Variants in PRKN observed in about 807,000 individuals in gnomAD.
PRKN encodes the protein E3 ubiquitin-protein ligase parkin.
PRKN carries 56 observed loss-of-function variants against 59.5 expected under a neutral mutation model. The observed-to-expected ratio is 0.94, with a 90% confidence interval of 0.76 to 1.18. The LOEUF is 1.18. Ranked by LOEUF, PRKN falls within the 50% of genes most tolerant of loss-of-function variation. PRKN has a pLI of 0.00. For missense variants in PRKN, 657 were observed against 596.4 expected, an observed-to-expected ratio of 1.10 and a Z score of -1.06; for synonymous variants, 250 against 222.1, an observed-to-expected ratio of 1.13 and a Z score of -1.12.
chr6:161,821,886 C>A (rs528294628), intron 6 of PRKN, among the ~76,000 whole-genome samples: 12 of 151,730 alleles, frequency 7.9e-5, no homozygotes, highest in African/African-American at 2.9e-4. Flanking sequence ...GTAGCTGGGA[C>A]TACAGATGTG....
intron 4 of PRKN, among the ~76,000 whole-genome samples, chr6:162,058,174 T>C (rs1013248840): frequency 6.6e-6 from 1 of 152,228 alleles, no homozygotes; most frequent in East Asian, 1.9e-4. Flanking sequence ...TAAATCATAA[T>C]ACACACTTCG....
At chr6:162,232,426 T>C (rs1778462021) in intron 3 of PRKN, among the ~76,000 whole-genome samples, 1 of 152,118 alleles carries the variant, frequency 6.6e-6, no homozygotes, top group Admixed American at 6.5e-5. Context: ...TGGGGGTTCA[T>C]CCCCATCTTC....
At chr6:162,307,269 G>A (rs910009794) in intron 2 of PRKN, among the ~76,000 whole-genome samples, 1 of 151,826 alleles carries the variant, frequency 6.6e-6, no homozygotes, top group African/African-American at 2.4e-5. Flanking sequence ...TCATGCTGGT[G>A]GGCGCCTATA....
At chr6:162,067,330 T>G (rs1182395642) in intron 4 of PRKN, among the ~76,000 whole-genome samples, 2 of 152,198 alleles carry the variant, frequency 1.3e-5, no homozygotes, top group Non-Finnish European at 2.9e-5. Context: ...TTTGTTTTGA[T>G]AGAAAAATCA....
intron 7 of PRKN, among the ~76,000 whole-genome samples, chr6:161,610,984 C>T (rs923862108): frequency 2.6e-5 from 4 of 152,140 alleles, no homozygotes; most frequent in South Asian, 4.2e-4. Flanking sequence ...ATTTTGAGGG[C>T]GGGGATAGGA....
At chr6:162,632,266 T>C (rs1190955117) in intron 1 of PRKN, among the ~76,000 whole-genome samples, 1 of 152,142 alleles carries the variant, frequency 6.6e-6, no homozygotes, top group Non-Finnish European at 1.5e-5. Context: ...CAGGTGTCCA[T>C]CAATAGTAGA....
chr6:161,496,734 T>G (rs1299308155), intron 9 of PRKN, among the ~76,000 whole-genome samples: 3 of 152,012 alleles, frequency 2.0e-5, no homozygotes, highest in Admixed American at 2.0e-4. Flanking sequence ...CATACCAAAG[T>G]AGGTTGGCTC....
chr6:161,905,219 G>A (rs186737685), intron 6 of PRKN, among the ~76,000 whole-genome samples: 1 of 152,268 alleles, frequency 6.6e-6, no homozygotes, highest in East Asian at 1.9e-4. Context: ...TTGCCTCTGA[G>A]TGGATGCTGG....
intron 3 of PRKN, among the ~76,000 whole-genome samples, chr6:162,229,521 T>C (rs1229729518): frequency 6.6e-6 from 1 of 152,192 alleles, no homozygotes; most frequent in Non-Finnish European, 1.5e-5. Flanking sequence ...AAACATGAAT[T>C]AGAGCCCATT....
chr6:161,681,638 C>A (rs149788015), intron 7 of PRKN, among the ~76,000 whole-genome samples: 8 of 152,288 alleles, frequency 5.3e-5, no homozygotes, highest in African/African-American at 1.7e-4. Flanking sequence ...CAGGTGGCTT[C>A]GCTCCTGGTT....
intron 7 of PRKN, among the ~76,000 whole-genome samples, chr6:161,661,631 C>T (rs967107243): frequency 6.6e-6 from 1 of 152,034 alleles, no homozygotes; most frequent in Non-Finnish European, 1.5e-5. Flanking sequence ...TTTTCACTAC[C>T]AAAGTACAGG....
chr6:161,850,352 C>T (rs758055591), intron 6 of PRKN, among the ~76,000 whole-genome samples: 2 of 151,894 alleles, frequency 1.3e-5, no homozygotes, highest in African/African-American at 2.4e-5. Context: ...GGCTGAGGTG[C>T]GTGGATCACG....
chr6:162,295,935 C>A (rs1288553033), intron 2 of PRKN, among the ~76,000 whole-genome samples: 1 of 152,134 alleles, frequency 6.6e-6, no homozygotes, highest in South Asian at 2.1e-4. Flanking sequence ...AGAGTGGATA[C>A]CCATGCAGAA....
intron 2 of PRKN, among the ~76,000 whole-genome samples, chr6:162,442,300 G>A (rs1174368116): frequency 1.3e-5 from 2 of 152,164 alleles, no homozygotes; most frequent in African/African-American, 2.4e-5. Context: ...CCCCTGCGCG[G>A]AGCAGTGATA....
chr6:161,628,897 T>G (rs561520490), intron 7 of PRKN, among the ~76,000 whole-genome samples: 1 of 152,238 alleles, frequency 6.6e-6, no homozygotes, highest in Non-Finnish European at 1.5e-5. Context: ...GAGCAGGCAA[T>G]GAAGAGAACC....
rs1021707678 is a variant in PRKN, at chr6:161,498,476, TGA to T, written c.1083+50376_1083+50377del. Among the ~76,000 whole-genome samples the T allele has an allele frequency of 3.9e-5, 6 of 152,186 alleles. No individual in the cohort carries two copies. The highest frequency in any genetic ancestry group is 8.8e-5 in the Non-Finnish European group (6 of 68,024). On this transcript the variant is annotated intron_variant, in intron 9 of 11. Transcript: ENST00000366898. The surrounding 1 kb of genome is among the most constrained non-coding windows in gnomAD (Gnocchi z 4.2). ...ACAGGGTCTTCAGCTCCCTTCTCCCTGAGAGCTTGTGGGAAGGGTGTGCTGTC... is the reference window on the plus strand; with the variant it reads ...ACAGGGTCTTCAGCTCCCTTCTCCCTGAGCTTGTGGGAAGGGTGTGCTGTC...
At chr6:162,525,127 C>T (rs989096528) in intron 1 of PRKN, among the ~76,000 whole-genome samples, 3 of 152,160 alleles carry the variant, frequency 2.0e-5, no homozygotes, top group Admixed American at 6.5e-5. Context: ...CACACCTGGG[C>T]TCCAAGCGCC....
Position 161,386,665 on chromosome 6 carries a change from C to T in PRKN, c.1167+129G>A. 1.3e-6 allele frequency: 1 copy of T among 790,868 alleles called. No individual in the cohort carries two copies. The highest frequency in any genetic ancestry group is 1.4e-5 in the South Asian group (1 of 70,500). The allele number at this position is 790,868 out of a possible 1,614,324, so 49.0% of individuals were successfully genotyped here. ...CTGGGAGAAGCCACGGCCCCATTCC[C>T]ATGGCTGTCAGCTACCAGTCTGCTT... On this transcript the variant is annotated intron_variant, in intron 10 of 11. Coordinates refer to ENST00000366898, the MANE Select transcript of PRKN (RefSeq NM_004562.3). The surrounding 1 kb of genome is among the most constrained non-coding windows in gnomAD (Gnocchi z 4.3).
intron 1 of PRKN, among the ~76,000 whole-genome samples, chr6:162,714,735 C>T (rs866314205): frequency 2.8e-4 from 43 of 152,132 alleles, no homozygotes; most frequent in African/African-American, 1.0e-3. Flanking sequence ...ATTAGGGAAA[C>T]AAGTAAATAC....
Sources: allele counts gnomAD v4.1 joint callset (sites outside exome capture counted in the v4.1 genomes callset), GRCh38; gene constraint gnomAD v4.1.1; non-coding constraint Gnocchi (gnomAD v3.1); transcripts MANE v1.5; gene names NCBI Gene and HGNC (gene_info 2026-07-23, HGNC 2026-07-21).